The following ARID2 variants were observed in gnomAD, a reference collection of about 807,000 sequenced individuals.
The protein encoded by ARID2 is AT-rich interactive domain-containing protein 2.
In ARID2, 32 loss-of-function variants were observed where a neutral mutation model predicts 184.6. That is an observed-to-expected ratio of 0.17 (90% CI 0.13 to 0.23). ARID2 has a LOEUF of 0.23. ARID2 is among the 10% of genes least tolerant of loss of function. The pLI is 1.00. For synonymous variants in ARID2, 836 were observed against 772.6 expected (o/e 1.08, Z -1.36); for missense variants, 1,696 against 2,197.6 (o/e 0.77, Z 4.56).
intron 6 of ARID2, among the ~76,000 whole-genome samples, chr12:45,828,720 A>G (rs1444755070): frequency 6.6e-6 from 1 of 152,016 alleles, no homozygotes; most frequent in Non-Finnish European, 1.5e-5. Context: ...TTTGATGAGA[A>G]CTAGAATACC....
chr12:45,879,101 G>A (rs1944057981), intron 16 of ARID2, among the ~76,000 whole-genome samples: 1 of 152,086 alleles, frequency 6.6e-6, no homozygotes, highest in African/African-American at 2.4e-5. Context: ...TAAGGTAATG[G>A]GGAGGTGAAA....
intron 16 of ARID2, among the ~76,000 whole-genome samples, chr12:45,877,159 T>A (rs1448965296): frequency 6.6e-6 from 1 of 151,700 alleles, no homozygotes; most frequent in Non-Finnish European, 1.5e-5. Context: ...GGGATGTACC[T>A]GTGTATTGCT....
chr12:45,895,254 C>G (rs1271360062), intron 20 of ARID2, among the ~76,000 whole-genome samples: 1 of 152,176 alleles, frequency 6.6e-6, no homozygotes, highest in African/African-American at 2.4e-5. Flanking sequence ...ACATTATAAC[C>G]TCTACCTCCT....
chr12:45,900,355 C>G (rs1314563691), intron 20 of ARID2, among the ~76,000 whole-genome samples: 1 of 152,124 alleles, frequency 6.6e-6, no homozygotes, highest in East Asian at 1.9e-4. Context: ...GCCACCATAC[C>G]CAGCTTTTTT....
intron 4 of ARID2, 69 bp downstream of exon 4, chr12:45,811,620 A>G (rs1420687695): frequency 2.6e-6 from 4 of 1,547,202 alleles, no homozygotes; most frequent in East Asian, 2.3e-5. Context: ...ACATCATCCA[A>G]TGAGTTAGTC....
At chr12:45,877,566 G>A (rs1354433758) in intron 16 of ARID2, among the ~76,000 whole-genome samples, 2 of 152,034 alleles carry the variant, frequency 1.3e-5, no homozygotes, top group African/African-American at 4.8e-5. Context: ...TACAATAAAT[G>A]TAATGCGCTT....
At chr12:45,829,035 C>A (rs941506085) in intron 6 of ARID2, among the ~76,000 whole-genome samples, 3 of 151,904 alleles carry the variant, frequency 2.0e-5, no homozygotes, top group Admixed American at 1.3e-4. Flanking sequence ...TTCTGTTTTA[C>A]TTTTCACACT....
chr12:45,821,312 ATATAT>A (rs1942890690), intron 5 of ARID2, 103 bp from the exon 6 acceptor site: 1 of 569,856 alleles, frequency 1.8e-6, no homozygotes, highest in Non-Finnish European at 2.9e-6. Context: ...AGTACACAAG[ATATAT>A]TAAGATGTAG....
intron 3 of ARID2, among the ~76,000 whole-genome samples, chr12:45,756,899 T>TA (rs1436522489): frequency 1.3e-5 from 2 of 151,812 alleles, no homozygotes; most frequent in Non-Finnish European, 2.9e-5. Flanking sequence ...ACTCTGCCTC[T>TA]AAAAAAAGAA....
intron 12 of ARID2, among the ~76,000 whole-genome samples, chr12:45,848,519 G>A (rs1341047149): frequency 5.3e-5 from 8 of 152,052 alleles, no homozygotes; most frequent in Non-Finnish European, 1.0e-4. Flanking sequence ...ACAGGATGCC[G>A]AATAGATATT....
intron 3 of ARID2, among the ~76,000 whole-genome samples, chr12:45,763,327 G>A (rs1188483074): frequency 1.3e-5 from 2 of 151,968 alleles, no homozygotes; most frequent in Admixed American, 6.6e-5. Context: ...AAAATTAGCC[G>A]GGCGTGGAGG....
At chr12:45,857,469 A>G (rs537134704) in intron 15 of ARID2, among the ~76,000 whole-genome samples, 81 of 152,332 alleles carry the variant, frequency 5.3e-4, no homozygotes, top group Non-Finnish European at 1.0e-3. Flanking sequence ...AGTATTACAT[A>G]ACTTTTTTGT....
intron 3 of ARID2, among the ~76,000 whole-genome samples, chr12:45,746,342 C>T (rs1349679856): frequency 1.3e-5 from 2 of 152,042 alleles, no homozygotes; most frequent in Non-Finnish European, 2.9e-5. Flanking sequence ...AACTCCTGGC[C>T]TCAAGTGATC....
intron 6 of ARID2, among the ~76,000 whole-genome samples, chr12:45,825,203 C>T (rs1194418299): frequency 2.0e-5 from 3 of 151,866 alleles, no homozygotes; most frequent in Non-Finnish European, 4.4e-5. Flanking sequence ...CTATAGTTAT[C>T]AATAGTTTAT....
intron 3 of ARID2, among the ~76,000 whole-genome samples, chr12:45,795,557 T>C (rs1452847671): frequency 6.6e-6 from 1 of 152,022 alleles, no homozygotes; most frequent in African/African-American, 2.4e-5. Flanking sequence ...CTCAGCCTCC[T>C]GAGTAGCTGG....
intron 16 of ARID2, among the ~76,000 whole-genome samples, chr12:45,886,121 G>C (rs906907247): frequency 2.0e-5 from 3 of 152,136 alleles, no homozygotes; most frequent in Admixed American, 1.3e-4. Flanking sequence ...AAAATCAAAA[G>C]CAAGTTAGTT....
chr12:45,892,432 A>G (rs1944312530), intron 18 of ARID2, among the ~76,000 whole-genome samples: 1 of 152,220 alleles, frequency 6.6e-6, no homozygotes, highest in African/African-American at 2.4e-5. Flanking sequence ...CTGTAAAAGT[A>G]ATCATCTATT....
At chr12:45,864,202 A>T (rs980750497) in intron 16 of ARID2, among the ~76,000 whole-genome samples, 3 of 152,036 alleles carry the variant, frequency 2.0e-5, no homozygotes, top group African/African-American at 7.2e-5. Flanking sequence ...ACTCCCTCTT[A>T]TATCATCACA....
At chr12:45,882,003 C>A in intron 16 of ARID2, 2 of 190,400 alleles carry the variant, frequency 1.1e-5, no homozygotes, top group East Asian at 1.4e-4. Context: ...GGTGACTTCC[C>A]TGTCTGTCTG....
Sources: gnomAD v4.1 joint callset for allele counts (sites outside exome capture counted in the v4.1 genomes callset) on GRCh38, gnomAD v4.1.1 for gene constraint, MANE v1.5 for transcripts, NCBI Gene and HGNC (gene_info 2026-07-23, HGNC 2026-07-21) for gene names.